CSMD1: variants seen among roughly 807,000 people sequenced by gnomAD.
CSMD1 encodes the protein CUB and Sushi multiple domains 1.
CSMD1 carries 213 observed loss-of-function variants against 417.5 expected under a neutral mutation model. The observed-to-expected ratio is 0.51, with a 90% CI of 0.46 to 0.57. The LOEUF is 0.57. CSMD1 is among the 20% of genes least tolerant of loss of function. CSMD1 has a pLI of 0.00. For synonymous variants in CSMD1, 2,862 were observed against 1,736.8 expected (o/e 1.65, Z -16.11); for missense variants, 6,923 against 4,529.7 (o/e 1.53, Z -15.17).
At chr8:3,744,187 G>A (rs991968897) in intron 6 of CSMD1, among the ~76,000 whole-genome samples, 2 of 152,208 alleles carry the variant, frequency 1.3e-5, no homozygotes, top group Admixed American at 6.5e-5. Flanking sequence ...TCTGGCGGGA[G>A]TGGGAGTTGA....
chr8:3,151,574 C>A, intron 39 of CSMD1, 61 bp from the exon 40 acceptor site: 1 of 1,062,336 alleles, frequency 9.4e-7, no homozygotes, highest in South Asian at 1.4e-5. Flanking sequence ...AATCTTTGCT[C>A]CAACCTGCTT....
chr8:3,719,053 T>C (rs1801996447), intron 6 of CSMD1, among the ~76,000 whole-genome samples: 1 of 152,166 alleles, frequency 6.6e-6, no homozygotes. Flanking sequence ...TATTGAGATG[T>C]AGAAAACCCT....
intron 3 of CSMD1, among the ~76,000 whole-genome samples, chr8:4,147,798 C>G (rs765914947): frequency 2.6e-5 from 4 of 152,050 alleles, no homozygotes; most frequent in East Asian, 3.9e-4. Flanking sequence ...CCCAATGTGC[C>G]GACTCCAAAG....
At chr8:3,499,356 C>A (rs1309293897) in intron 10 of CSMD1, among the ~76,000 whole-genome samples, 3 of 151,814 alleles carry the variant, frequency 2.0e-5, no homozygotes, top group East Asian at 1.9e-4. Context: ...TTTGGGGTGG[C>A]CTTGTTTTGG....
intron 12 of CSMD1, among the ~76,000 whole-genome samples, chr8:3,420,492 G>C (rs1477279301): frequency 6.6e-6 from 1 of 151,724 alleles, no homozygotes; most frequent in East Asian, 1.9e-4. Flanking sequence ...TCCATGTTGT[G>C]ATGCATGTAC....
chr8:2,964,071 C>CA (rs1312661450), intron 59 of CSMD1, among the ~76,000 whole-genome samples: 1 of 152,052 alleles, frequency 6.6e-6, no homozygotes, highest in East Asian at 1.9e-4. Context: ...CAAAGGGAGG[C>CA]AAAAATCCAA....
chr8:4,721,718 G>C (rs1033586002), intron 1 of CSMD1, among the ~76,000 whole-genome samples: 2 of 152,020 alleles, frequency 1.3e-5, no homozygotes, highest in Non-Finnish European at 2.9e-5. Context: ...TAAAACCAAA[G>C]GAAATGAAAC....
chr8:4,787,753 GCAAAATTTTGC>G, intron 1 of CSMD1: 1 of 1,586,726 alleles, frequency 6.3e-7, no homozygotes, highest in South Asian at 1.1e-5. Context: ...GCTGATTGCT[GCAAAATTTTGC>G]TTCGCTGGAC....
intron 1 of CSMD1, among the ~76,000 whole-genome samples, chr8:4,849,647 A>G (rs1801350741): frequency 6.6e-6 from 1 of 152,098 alleles, no homozygotes; most frequent in African/African-American, 2.4e-5. Context: ...CAAATACTTG[A>G]TATTGTATTA....
intron 1 of CSMD1, among the ~76,000 whole-genome samples, chr8:4,920,928 A>G (rs865783264): frequency 9.6e-5 from 7 of 72,558 alleles, no homozygotes; most frequent in East Asian, 3.1e-4. Context: ...AAAGAAAAGA[A>G]AGAGAGAAAG....
intron 3 of CSMD1, among the ~76,000 whole-genome samples, chr8:4,353,228 G>A (rs1450533609): frequency 2.6e-5 from 4 of 152,040 alleles, no homozygotes; most frequent in Non-Finnish European, 4.4e-5. Context: ...TCATGACGAC[G>A]GTTTCCCCCA....
At chr8:3,301,964 G>C (rs1280240327) in intron 25 of CSMD1, among the ~76,000 whole-genome samples, 2 of 152,026 alleles carry the variant, frequency 1.3e-5, no homozygotes, top group Non-Finnish European at 2.9e-5. Context: ...CTCGTCTAAA[G>C]AAATCTCATA....
chr8:3,714,801 G>C (rs982430002), intron 6 of CSMD1, among the ~76,000 whole-genome samples: 2 of 151,890 alleles, frequency 1.3e-5, no homozygotes, highest in Admixed American at 1.3e-4. Context: ...AGCATTTTTT[G>C]TCTAGTTTAT....
At chr8:4,421,306 C>G (rs1797237418) in intron 2 of CSMD1, among the ~76,000 whole-genome samples, 1 of 152,122 alleles carries the variant, frequency 6.6e-6, no homozygotes. Context: ...AGCAAGAATA[C>G]AGAACTCATC....
intron 3 of CSMD1, among the ~76,000 whole-genome samples, chr8:4,167,286 C>T (rs778825951): frequency 2.6e-5 from 4 of 152,058 alleles, no homozygotes; most frequent in South Asian, 4.1e-4. Context: ...TTAGAAAATT[C>T]GTGTCTATAA....
chr8:4,371,560 T>G (rs937351192), intron 3 of CSMD1, among the ~76,000 whole-genome samples: 1 of 152,162 alleles, frequency 6.6e-6, no homozygotes, highest in Non-Finnish European at 1.5e-5. Flanking sequence ...TAAAGCAATG[T>G]ATTATTTTTT....
intron 41 of CSMD1, among the ~76,000 whole-genome samples, chr8:3,125,907 G>T (rs999281772): frequency 6.6e-6 from 1 of 152,198 alleles, no homozygotes; most frequent in Non-Finnish European, 1.5e-5. Context: ...AACCCAGGAG[G>T]CAGAGGTTGC....
At chr8:4,137,944 C>G (rs541856874) in intron 3 of CSMD1, among the ~76,000 whole-genome samples, 1 of 151,508 alleles carries the variant, frequency 6.6e-6, no homozygotes, top group South Asian at 2.1e-4. Flanking sequence ...GTGGCGCAAT[C>G]TCGGCTCACT....
chr8:4,829,544 G>A (rs1053932837), intron 1 of CSMD1, among the ~76,000 whole-genome samples: 5 of 152,022 alleles, frequency 3.3e-5, no homozygotes, highest in South Asian at 2.1e-4. Flanking sequence ...GAGTTCAAGA[G>A]CAGTCTGGGC....
Sources: allele counts gnomAD v4.1 joint callset (sites outside exome capture counted in the v4.1 genomes callset), GRCh38; gene constraint gnomAD v4.1.1; transcripts MANE v1.5; gene names NCBI Gene and HGNC (gene_info 2026-07-23, HGNC 2026-07-21).